Variants in BUB1 observed in about 807,000 individuals in gnomAD.
The protein encoded by BUB1 is BUB1 mitotic checkpoint serine/threonine kinase, also known as mitotic checkpoint serine/threonine-protein kinase BUB1.
Under a neutral mutation model 135.2 loss-of-function variants are expected in BUB1, and 84 were observed. The ratio of observed to expected loss-of-function variants is 0.62; its 90% CI spans 0.52 to 0.74. The LOEUF is 0.74. Ranked by LOEUF, BUB1 falls within the 30% of genes least tolerant of loss-of-function variation. The pLI is 0.00. For missense variants in BUB1, 1,162 were observed against 1,288.3 expected (o/e 0.90, Z 1.50); for synonymous variants, 403 against 434.4 (o/e 0.93, Z 0.90).
chr2:110,649,200 G>T (rs1442334323), intron 19 of BUB1, 34 bp downstream of exon 19: 4 of 1,580,854 alleles, frequency 2.5e-6, no homozygotes, highest in Non-Finnish European at 3.4e-6. Flanking sequence ...AGAGAAACAA[G>T]AATTTAAAGT....
intron 17 of BUB1, among the ~76,000 whole-genome samples, chr2:110,652,059 T>TACACACACACACAC (rs559734586): frequency 6.9e-6 from 1 of 145,210 alleles, no homozygotes; most frequent in African/African-American, 2.5e-5. Flanking sequence ...TATACATCCA[T>TACACACACACACAC]ACACACACAC....
rs781209197 is a variant in BUB1 at position 110,678,035 on chromosome 2, G to A, written c.-40C>T. ...GGCCGGCAGCGGCCAAACCTGAACC[G>A]CAAACTAGAAGCCGCCGCCGATTCG... On this transcript the variant is annotated 5_prime_UTR_variant, in exon 1 of 25. Coordinates refer to ENST00000302759, the MANE Select transcript of BUB1 (RefSeq NM_004336.5). 3.8e-6 allele frequency: 6 copies of A among 1,583,538 alleles called. No individual in the cohort carries two copies. The highest frequency in any genetic ancestry group is 3.4e-5 in the South Asian group (3 of 87,312).
intron 8 of BUB1, 151 bp from the exon 9 acceptor site, chr2:110,666,565 C>T (rs1294546847): frequency 1.9e-6 from 1 of 523,366 alleles, no homozygotes; most frequent in East Asian, 3.6e-5. Context: ...ACTTGTATTA[C>T]CTTTTAATTT....
At chr2:110,653,660 G>A in intron 16 of BUB1, 137 bp from the exon 17 acceptor site, 1 of 718,436 alleles carries the variant, frequency 1.4e-6, no homozygotes, top group Non-Finnish European at 2.3e-6. Context: ...GTGTTCCATT[G>A]TAAAATGTAT....
At chr2:110,672,132 C>T (rs888470927) in intron 4 of BUB1, among the ~76,000 whole-genome samples, 8 of 152,060 alleles carry the variant, frequency 5.3e-5, no homozygotes, top group African/African-American at 1.9e-4. Flanking sequence ...GAGGCTGAGG[C>T]AGGAGAATCT....
intron 1 of BUB1, among the ~76,000 whole-genome samples, chr2:110,675,646 T>C (rs1215115873): frequency 1.3e-5 from 2 of 151,552 alleles, no homozygotes; most frequent in Admixed American, 6.6e-5. Context: ...AAAAGCAATA[T>C]GTATTTTTAT....
At position 110,648,510 on chromosome 2, in the gene BUB1, G is replaced by C. The variant is rs1689702254; in HGVS notation, c.2347+724C>G. ...ACTACATTCGTAAAAAACCCCACAG[G>C]ATATACAACCCAAAGAGTGAACCCT... On this transcript the variant is annotated intron_variant, in intron 19 of 24. Transcript: ENST00000302759. The surrounding 1 kb of genome is among the most constrained non-coding windows in gnomAD (Gnocchi z 4.2). Among the ~76,000 whole-genome samples the C allele has an allele frequency of 6.6e-6, 1 of 152,072 alleles. No individual in the cohort carries two copies. Among genetic ancestry groups the C allele is most frequent in the Admixed American group, 6.6e-5 (1 of 15,248 alleles).
chr2:110,673,639 G>A (rs1332357241), intron 3 of BUB1, among the ~76,000 whole-genome samples: 1 of 152,052 alleles, frequency 6.6e-6, no homozygotes, highest in Non-Finnish European at 1.5e-5. Flanking sequence ...TGTCACCCAG[G>A]CTGGAGTGCA....
intron 9 of BUB1, among the ~76,000 whole-genome samples, chr2:110,664,252 C>T (rs555192425): frequency 1.3e-5 from 2 of 152,170 alleles, no homozygotes; most frequent in Non-Finnish European, 2.9e-5. Flanking sequence ...CATTTAAGCA[C>T]TAAGTATAAT....
At position 110,657,590 on chromosome 2, in the gene BUB1, T is replaced by C. The variant is rs201234763; in HGVS notation, c.1572A>G (p.Ser524=). The C allele has an allele frequency of 6.2e-7, 1 of 1,608,476 alleles. No individual in the cohort carries two copies. The highest frequency in any genetic ancestry group is 8.5e-7 in the Non-Finnish European group (1 of 1,177,316). The stretch of plus-strand genomic sequence containing the variant: ...CATCTTCAAACACATGAAAAGCAGA[T>C]GACAAAGAAGAGATGATCTTATTGA... ...WGVNKIISSL[S]SAFHVFEDGN... is the part of the protein sequence containing the mutation. The change falls in exon 14 of 25, where the codon TCA becomes TCG. Residue 524 remains serine (S), a synonymous_variant. Transcript: ENST00000302759.
At chr2:110,643,223 G>A (rs7562469) in intron 19 of BUB1, among the ~76,000 whole-genome samples, 22 of 152,132 alleles carry the variant, frequency 1.4e-4, no homozygotes, top group Non-Finnish European at 3.2e-4. Flanking sequence ...ACAAGTGGAC[G>A]CAGAGAATCA....
In BUB1 at chr2:110,658,737, C is replaced by T. The variant is rs767848177; in HGVS notation, c.1282G>A (p.Glu428Lys). Residue 428 changes from glutamate to lysine, a missense_variant, in exon 12 of 25, where the codon GAA (glutamate) becomes AAA (lysine). Glu to Lys is a moderately conservative substitution (Grantham distance 56). Coordinates refer to ENST00000302759, the MANE Select transcript of BUB1 (RefSeq NM_004336.5). ...CTTGTGTTGGCAACCTTATGTGTTT[C>T]ACACCCTAGCAAAGAAATGGAGACA... ...QSGAEIKEGC[E>K]THKVANTSSF... 6.2e-7 allele frequency: 1 copy of T among 1,614,024 alleles called. No homozygotes were observed. Among genetic ancestry groups the T allele is most frequent in the Non-Finnish European group, 8.5e-7 (1 of 1,179,982 alleles).
chr2:110,661,488 C>G, intron 10 of BUB1, 94 bp downstream of exon 10: 1 of 1,424,524 alleles, frequency 7.0e-7, no homozygotes, highest in Non-Finnish European at 9.4e-7. Context: ...CATCATTCAT[C>G]TTTTACATAC....
chr2:110,651,956 A>G (rs1689798805), intron 17 of BUB1, among the ~76,000 whole-genome samples: 1 of 152,112 alleles, frequency 6.6e-6, no homozygotes, highest in African/African-American at 2.4e-5. Flanking sequence ...TCTGATGTTC[A>G]TGTAACAATG....
intron 1 of BUB1, among the ~76,000 whole-genome samples, chr2:110,676,343 TG>T (rs1273298984): frequency 2.0e-5 from 3 of 152,078 alleles, no homozygotes; most frequent in African/African-American, 7.2e-5. Context: ...AAAAAACATG[TG>T]AAAAGATTGT....
At chr2:110,639,901 A>G (rs768338575) in intron 23 of BUB1, 53 bp from the exon 24 acceptor site, 2 of 1,380,560 alleles carry the variant, frequency 1.4e-6, no homozygotes, top group East Asian at 2.3e-5. Context: ...ACACATGACT[A>G]TATCAAGATG....
At chr2:110,670,908 T>C (rs1690401899) in intron 4 of BUB1, among the ~76,000 whole-genome samples, 1 of 152,220 alleles carries the variant, frequency 6.6e-6, no homozygotes, top group Non-Finnish European at 1.5e-5. Flanking sequence ...AGGTTCTTTA[T>C]ACATTTGGAA....
intron 19 of BUB1, among the ~76,000 whole-genome samples, chr2:110,644,646 G>T (rs1007095130): frequency 2.0e-5 from 3 of 151,974 alleles, no homozygotes; most frequent in Non-Finnish European, 4.4e-5. Flanking sequence ...AAGACACAGA[G>T]AAAATATTCA....
intron 11 of BUB1, among the ~76,000 whole-genome samples, chr2:110,659,044 T>A (rs1332967803): frequency 6.6e-6 from 1 of 152,184 alleles, no homozygotes; most frequent in Non-Finnish European, 1.5e-5. Flanking sequence ...TTAGTGCCAC[T>A]GTATCCCAAG....
Sources: allele counts gnomAD v4.1 joint callset (sites outside exome capture counted in the v4.1 genomes callset), GRCh38; gene constraint gnomAD v4.1.1; non-coding constraint Gnocchi (gnomAD v3.1); transcripts MANE v1.5; gene names NCBI Gene and HGNC (gene_info 2026-07-23, HGNC 2026-07-21).